TAS2R1: variants seen among roughly 807,000 people sequenced by gnomAD.
TAS2R1 encodes the protein taste receptor type 2 member 1.
For missense variants in TAS2R1, 370 were observed against 353.4 expected (o/e 1.05, Z -0.38); for synonymous variants, 141 against 134.2 (o/e 1.05, Z -0.35).
intron 1 of TAS2R1, among the ~76,000 whole-genome samples, chr5:9,708,016 G>A (rs1741653342): frequency 6.6e-6 from 1 of 152,182 alleles, no homozygotes; most frequent in Admixed American, 6.5e-5. Context: ...TAATGAAAGT[G>A]AGGAGACAGA....
chr5:9,873,958 AAGAGAGAGAG>A, the TAS2R1 span, among the ~76,000 whole-genome samples: 1 of 146,562 alleles, frequency 6.8e-6, no homozygotes, highest in Non-Finnish European at 1.5e-5. Flanking sequence ...ACAGAAAGAA[AAGAGAGAGAG>A]AGAGAGAGGA....
chr5:9,770,882 T>G, the TAS2R1 span, among the ~76,000 whole-genome samples: 4 of 152,296 alleles, frequency 2.6e-5, no homozygotes, highest in South Asian at 8.3e-4. Flanking sequence ...TGGTTTCCCT[T>G]TCTTTCTTTC....
chr5:9,839,944 C>T, the TAS2R1 span, among the ~76,000 whole-genome samples: 1 of 152,078 alleles, frequency 6.6e-6, no homozygotes, highest in Non-Finnish European at 1.5e-5. Flanking sequence ...CAGGCCAAAC[C>T]CAATTTGGCT....
chr5:9,647,366 C>G lies in TAS2R1; in HGVS notation c.-81+12055G>C, dbSNP rs1740211878. ...GCCTCCACAGAAGCATAGTCCAACT[C>G]AGTGGGTGGATGTTATCCACAGTGG... On this transcript the variant is annotated intron_variant, in intron 2 of 2. Coordinates refer to the TAS2R1 transcript ENST00000506620. Among the ~76,000 whole-genome samples, 4 of 152,136 alleles carry G rather than the reference C, an allele frequency of 2.6e-5. No homozygotes were observed. The South Asian group carries it at 8.3e-4, about 32-fold the overall frequency.
chr5:9,782,872 T>C, the TAS2R1 span, among the ~76,000 whole-genome samples: 1 of 152,080 alleles, frequency 6.6e-6, no homozygotes. Flanking sequence ...GGACTAACAT[T>C]TTACAAGCTT....
chr5:9,652,508 G>C (rs1160771477), intron 2 of TAS2R1, among the ~76,000 whole-genome samples: 1 of 152,182 alleles, frequency 6.6e-6, no homozygotes, highest in East Asian at 1.9e-4. Flanking sequence ...GCTATAGGGA[G>C]GGGGAGCCAC....
At chr5:9,844,061 T>C in the TAS2R1 span, among the ~76,000 whole-genome samples, 2 of 152,162 alleles carry the variant, frequency 1.3e-5, no homozygotes, top group East Asian at 1.9e-4. Context: ...TCCTACATAA[T>C]GTAGTATTAT....
intron 2 of TAS2R1, among the ~76,000 whole-genome samples, chr5:9,650,264 G>A (rs1158496952): frequency 1.3e-5 from 2 of 151,188 alleles, no homozygotes; most frequent in Non-Finnish European, 3.0e-5. Flanking sequence ...TTTGCCAAAG[G>A]AAACTTTTTT....
the TAS2R1 span, among the ~76,000 whole-genome samples, chr5:9,811,880 C>T: frequency 6.6e-6 from 1 of 152,148 alleles, no homozygotes; most frequent in Non-Finnish European, 1.5e-5. Context: ...TTCCCTCAAC[C>T]TTTCAACACA....
the TAS2R1 span, among the ~76,000 whole-genome samples, chr5:9,799,019 C>T: frequency 6.6e-6 from 1 of 152,196 alleles, no homozygotes; most frequent in Admixed American, 6.5e-5. Context: ...AGTGCCACTT[C>T]ACCTGCTTTA....
the TAS2R1 span, among the ~76,000 whole-genome samples, chr5:9,866,325 T>C: frequency 1.3e-5 from 2 of 152,262 alleles, no homozygotes; most frequent in African/African-American, 4.8e-5. Context: ...TTAATATCCA[T>C]GTACAATAAC....
Position 9,629,266 on chromosome 5 carries a change from C to G in TAS2R1, c.767G>C (p.Arg256Thr). ...FLSSLKFHIR[R>T]FIFLFFILVI... is the part of the protein sequence containing the mutation. Reference sequence around the variant, plus strand: ...AAGGATGAAGAACAGAAAGATGAACCTTCTGATGTGAAACTTTAGAGAAGA... The same window carrying G: ...AAGGATGAAGAACAGAAAGATGAACGTTCTGATGTGAAACTTTAGAGAAGA... Residue 256 changes from arginine to threonine, a missense_variant, in exon 1 of 1, where the codon AGG becomes ACG. Transcript: ENST00000382492. 6.2e-7 allele frequency: 1 copy of G among 1,613,996 alleles called. No homozygotes were observed. Among genetic ancestry groups the G allele is most frequent in the Non-Finnish European group, 8.5e-7 (1 of 1,179,984 alleles).
chr5:9,640,263 T>A (rs1203277803), intron 2 of TAS2R1, among the ~76,000 whole-genome samples: 1 of 151,796 alleles, frequency 6.6e-6, no homozygotes, highest in African/African-American at 2.4e-5. Flanking sequence ...CATTTATCAA[T>A]CAAGTTTGCC....
chr5:9,706,809 G>T (rs1336846685), intron 1 of TAS2R1, among the ~76,000 whole-genome samples: 1 of 152,194 alleles, frequency 6.6e-6, no homozygotes, highest in Non-Finnish European at 1.5e-5. Context: ...GGGAGCTGCA[G>T]GCATGGCAAG....
At chr5:9,674,453 A>G (rs1740830893) in intron 1 of TAS2R1, among the ~76,000 whole-genome samples, 1 of 152,144 alleles carries the variant, frequency 6.6e-6, no homozygotes, top group South Asian at 2.1e-4. Context: ...ATATGGTTAG[A>G]ACCTGGGGCC....
At chr5:9,632,624 C>A (rs1739891029), upstream of TAS2R1, among the ~76,000 whole-genome samples, 1 of 152,158 alleles carries the variant, frequency 6.6e-6, no homozygotes, top group Middle Eastern at 3.2e-3. Flanking sequence ...GTCATTTCAA[C>A]AATGTTCACA....
At chr5:9,863,681 A>T in the TAS2R1 span, among the ~76,000 whole-genome samples, 1 of 152,222 alleles carries the variant, frequency 6.6e-6, no homozygotes, top group Non-Finnish European at 1.5e-5. Flanking sequence ...TCAGGGCTTT[A>T]TACTCCAAAC....
At chr5:9,822,845 T>C in the TAS2R1 span, among the ~76,000 whole-genome samples, 1 of 152,074 alleles carries the variant, frequency 6.6e-6, no homozygotes, top group African/African-American at 2.4e-5. Flanking sequence ...TCCCATTCTT[T>C]TGCTGGTAAA....
the TAS2R1 span, among the ~76,000 whole-genome samples, chr5:9,718,568 G>A: frequency 6.6e-6 from 1 of 152,122 alleles, no homozygotes; most frequent in African/African-American, 2.4e-5. Flanking sequence ...CAGGAAGACT[G>A]CTTGAGGCCA....
Sources: gnomAD v4.1 joint callset for allele counts (sites outside exome capture counted in the v4.1 genomes callset) on GRCh38, gnomAD v4.1.1 for gene constraint, MANE v1.5 for transcripts, NCBI Gene and HGNC (gene_info 2026-07-23, HGNC 2026-07-21) for gene names.